The following ANKS1B variants were observed in gnomAD, a reference collection of about 807,000 sequenced individuals.
The protein encoded by ANKS1B is ankyrin repeat and sterile alpha motif domain containing 1B.
In ANKS1B, 36 loss-of-function variants were observed where a neutral mutation model predicts 148.3. The observed-to-expected ratio is 0.24, with a 90% CI of 0.19 to 0.32. The LOEUF (loss-of-function observed/expected upper bound fraction) is 0.32. Ranked by LOEUF, ANKS1B falls within the 10% of genes least tolerant of loss-of-function variation. The pLI is 1.00. For missense variants in ANKS1B, 1,157 were observed against 1,542.6 expected (o/e 0.75, Z 4.19); for synonymous variants, 542 against 560.8 (o/e 0.97, Z 0.47).
At chr12:98,993,921 G>A (rs1239124001) in intron 17 of ANKS1B, among the ~76,000 whole-genome samples, 3 of 152,204 alleles carry the variant, frequency 2.0e-5, no homozygotes, top group Non-Finnish European at 2.9e-5. Flanking sequence ...AGTCCTATTC[G>A]TAGGAATATG....
chr12:99,520,128 TTC>T (rs1265008966), intron 9 of ANKS1B, among the ~76,000 whole-genome samples: 20 of 152,202 alleles, frequency 1.3e-4, no homozygotes, highest in African/African-American at 4.1e-4. Flanking sequence ...TGCTATAATA[TTC>T]TCTGTTTTTT....
chr12:99,716,691 T>C (rs184357512), intron 8 of ANKS1B, among the ~76,000 whole-genome samples: 76 of 152,252 alleles, frequency 5.0e-4, no homozygotes, highest in African/African-American at 1.3e-3. Context: ...AGGCATTCTT[T>C]CACACATCAG....
At chr12:99,369,615 G>A (rs2092971018) in intron 12 of ANKS1B, among the ~76,000 whole-genome samples, 1 of 122,646 alleles carries the variant, frequency 8.2e-6, no homozygotes. Context: ...AGGTATTACG[G>A]TTAAGAGAAT....
chr12:99,848,628 G>T (rs1479126953), intron 1 of ANKS1B, among the ~76,000 whole-genome samples: 2 of 151,960 alleles, frequency 1.3e-5, no homozygotes, highest in African/African-American at 4.8e-5. Context: ...ATTAAATGAC[G>T]CTGAGTCAAT....
intron 25 of ANKS1B, among the ~76,000 whole-genome samples, chr12:98,769,431 G>A (rs2098539135): frequency 6.6e-6 from 1 of 152,072 alleles, no homozygotes; most frequent in Non-Finnish European, 1.5e-5. Context: ...AGATTAAAAT[G>A]GAGGATCTGT....
intron 9 of ANKS1B, among the ~76,000 whole-genome samples, chr12:99,612,661 T>C (rs2097912843): frequency 1.3e-5 from 2 of 152,162 alleles, no homozygotes; most frequent in South Asian, 4.2e-4. Flanking sequence ...TAAAATCAAC[T>C]GTAAAATGTT....
At chr12:98,915,502 T>G (rs951908077) in intron 17 of ANKS1B, among the ~76,000 whole-genome samples, 9 of 152,064 alleles carry the variant, frequency 5.9e-5, no homozygotes, top group Admixed American at 2.6e-4. Flanking sequence ...CAGGCATGTA[T>G]CATCACACCC....
At chr12:99,815,184 G>T (rs2068945598) in intron 2 of ANKS1B, among the ~76,000 whole-genome samples, 1 of 151,404 alleles carries the variant, frequency 6.6e-6, no homozygotes. Flanking sequence ...TTTGTTCTTT[G>T]GCTCAAATTT....
intron 15 of ANKS1B, chr12:99,093,216 T>C (rs1181014504): frequency 6.6e-6 from 1 of 152,204 alleles, no homozygotes; most frequent in Non-Finnish European, 1.5e-5. Context: ...TTCACATAAA[T>C]TATTTATCTT....
intron 11 of ANKS1B, among the ~76,000 whole-genome samples, chr12:99,404,569 C>T (rs1053879465): frequency 6.9e-6 from 1 of 145,036 alleles, no homozygotes; most frequent in Non-Finnish European, 1.5e-5. Context: ...AATTAGTGAG[C>T]TTCAAAACAG....
chr12:99,087,440 G>T (rs2052310853), intron 15 of ANKS1B, among the ~76,000 whole-genome samples: 1 of 152,118 alleles, frequency 6.6e-6, no homozygotes, highest in African/African-American at 2.4e-5. Flanking sequence ...GCATGATAAT[G>T]AAAAGCCTAA....
At chr12:99,491,849 T>C (rs889318136) in intron 10 of ANKS1B, among the ~76,000 whole-genome samples, 2 of 152,184 alleles carry the variant, frequency 1.3e-5, no homozygotes, top group South Asian at 2.1e-4. Context: ...ATCAAGATGT[T>C]CTTTGAAACT....
chr12:98,892,457 T>A (rs1182773448), intron 17 of ANKS1B, among the ~76,000 whole-genome samples: 1 of 152,224 alleles, frequency 6.6e-6, no homozygotes, highest in African/African-American at 2.4e-5. Context: ...CTATTTCGAA[T>A]ATGTAGACTA....
intron 12 of ANKS1B, among the ~76,000 whole-genome samples, chr12:99,316,763 G>A (rs1347099074): frequency 6.6e-6 from 1 of 152,118 alleles, no homozygotes; most frequent in Non-Finnish European, 1.5e-5. Flanking sequence ...GGCCTGAATG[G>A]TATTGCCTAG....
At chr12:99,803,428 A>C (rs893435442) in intron 4 of ANKS1B, among the ~76,000 whole-genome samples, 1 of 152,188 alleles carries the variant, frequency 6.6e-6, no homozygotes, top group African/African-American at 2.4e-5. Context: ...AGATGTTGTC[A>C]GTTCTACTTC....
chr12:98,966,856 AG>A (rs2099878410), intron 17 of ANKS1B, among the ~76,000 whole-genome samples: 2 of 124,376 alleles, frequency 1.6e-5, no homozygotes, highest in South Asian at 5.7e-4. Flanking sequence ...ACTTGGACAC[AG>A]GAAGGGGAAC....
chr12:99,605,357 C>T (rs1480433486), intron 9 of ANKS1B, among the ~76,000 whole-genome samples: 2 of 151,942 alleles, frequency 1.3e-5, no homozygotes, highest in African/African-American at 4.8e-5. Flanking sequence ...TCTCTTCTAG[C>T]TATTTTCAAA....
At chr12:98,816,594 A>C (rs1007341133) in intron 19 of ANKS1B, among the ~76,000 whole-genome samples, 12 of 152,162 alleles carry the variant, frequency 7.9e-5, no homozygotes, top group African/African-American at 2.9e-4. Flanking sequence ...ACCTGGCCTT[A>C]AGCAGAAATT....
chr12:99,319,514 T>G (rs1317911816), intron 12 of ANKS1B, among the ~76,000 whole-genome samples: 1 of 152,178 alleles, frequency 6.6e-6, no homozygotes, highest in Admixed American at 6.5e-5. Context: ...TGTTTGTTTG[T>G]TTTCCATTTG....
Sources: gnomAD v4.1 joint callset for allele counts (sites outside exome capture counted in the v4.1 genomes callset) on GRCh38, gnomAD v4.1.1 for gene constraint, MANE v1.5 for transcripts, NCBI Gene and HGNC (gene_info 2026-07-23, HGNC 2026-07-21) for gene names.